TCF4: variants seen among roughly 807,000 people sequenced by gnomAD.
The protein encoded by TCF4 is transcription factor 4, also known as SL3-3 enhancer factor 2.
Under a neutral mutation model 82.1 loss-of-function variants are expected in TCF4, and 3 were observed. That is an observed-to-expected ratio of 0.04 (90% CI 0.02 to 0.09). The LOEUF (loss-of-function observed/expected upper bound fraction) is 0.09. Among genes scored for constraint, TCF4 ranks in the 10% least tolerant of loss-of-function variants. TCF4 has a pLI of 1.00. For missense variants in TCF4, 518 were observed against 852.7 expected, an observed-to-expected ratio of 0.61 and a Z score of 4.89; for synonymous variants, 276 against 309.6, an observed-to-expected ratio of 0.89 and a Z score of 1.14.
At chr18:55,471,131 T>C (rs952671127) in intron 3 of TCF4, among the ~76,000 whole-genome samples, 6 of 152,188 alleles carry the variant, frequency 3.9e-5, no homozygotes, top group Non-Finnish European at 8.8e-5. Flanking sequence ...TGTGCACATT[T>C]TCATTAGCAC....
intron 3 of TCF4, among the ~76,000 whole-genome samples, chr18:55,534,984 C>G (rs1366671875): frequency 6.6e-6 from 1 of 152,218 alleles, no homozygotes; most frequent in East Asian, 1.9e-4. Flanking sequence ...CAAATGTGCA[C>G]AGGGAATTCT....
chr18:55,510,471 C>T (rs1253263716), intron 3 of TCF4: 1 of 816,310 alleles, frequency 1.2e-6, no homozygotes, highest in Non-Finnish European at 1.7e-6. Flanking sequence ...TGTAAAAACC[C>T]CAGTCAAATA....
intron 5 of TCF4, chr18:55,404,021 C>T: frequency 8.4e-7 from 1 of 1,190,982 alleles, no homozygotes; most frequent in Non-Finnish European, 1.0e-6. Context: ...TTTTTAAAAA[C>T]TCCCTTTCCC....
In TCF4 at chr18:55,272,283, T is replaced by C. The variant is rs892702607; in HGVS notation, c.790-2320A>G. The stretch of plus-strand genomic sequence containing the variant: ...AACGAGATTTATAACTAGATTATTT[T>C]ACATTAAAAACTATCTTGAAAACTA... On this transcript the variant is annotated intron_variant, in intron 10 of 19. Coordinates refer to ENST00000354452, the MANE Select transcript of TCF4 (RefSeq NM_001083962.2). Among the ~76,000 whole-genome samples, 5 of 152,178 alleles carry C rather than the reference T, an allele frequency of 3.3e-5. 1 individual carries two copies. Among genetic ancestry groups the C allele is most frequent in the Admixed American group, 2.6e-4 (4 of 15,254 alleles).
intron 8 of TCF4, among the ~76,000 whole-genome samples, chr18:55,314,509 C>G (rs1298518965): frequency 4.0e-5 from 6 of 150,042 alleles, no homozygotes; most frequent in Admixed American, 3.3e-4. Flanking sequence ...CATGTAACAT[C>G]AATTTAATTT....
At chr18:55,379,499 C>T (rs555337199) in intron 6 of TCF4, among the ~76,000 whole-genome samples, 4 of 152,240 alleles carry the variant, frequency 2.6e-5, no homozygotes, top group Non-Finnish European at 4.4e-5. Context: ...CAGAGGAAGC[C>T]TCCACATCAG....
At chr18:55,257,044 A>C (rs996406913) in intron 14 of TCF4, among the ~76,000 whole-genome samples, 1 of 152,134 alleles carries the variant, frequency 6.6e-6, no homozygotes, top group African/African-American at 2.4e-5. Context: ...GATCTTTCCT[A>C]GAGATGGGGA....
chr18:55,397,051 G>A (rs1240146579), intron 6 of TCF4, among the ~76,000 whole-genome samples: 3 of 152,008 alleles, frequency 2.0e-5, no homozygotes, highest in African/African-American at 7.2e-5. Flanking sequence ...AGGTTGTTGG[G>A]AAAAAGGGGT....
At chr18:55,585,879 TCTCA>T in intron 2 of TCF4, 1 of 1,203,642 alleles carries the variant, frequency 8.3e-7, no homozygotes. Context: ...TCTCTCTCAC[TCTCA>T]CTCTCTCTTT....
At chr18:55,312,781 CA>C (rs2072954085) in intron 8 of TCF4, among the ~76,000 whole-genome samples, 1 of 152,160 alleles carries the variant, frequency 6.6e-6, no homozygotes, top group Non-Finnish European at 1.5e-5. Context: ...CTGCACTTTG[CA>C]ACCTCTGGGA....
chr18:55,575,807 T>C (rs1304611489), intron 3 of TCF4, among the ~76,000 whole-genome samples: 1 of 152,200 alleles, frequency 6.6e-6, no homozygotes, highest in African/African-American at 2.4e-5. Context: ...GATGTACTTC[T>C]GGTCAGTTTC....
chr18:55,236,069 A>ATG (rs3040521), intron 15 of TCF4, among the ~76,000 whole-genome samples: 15,802 of 151,016 alleles, frequency 0.1, 937 homozygotes, highest in African/African-American at 0.15. Flanking sequence ...TCATGTGTGC[A>ATG]TGTGTGTGTG....
chr18:55,601,713 G>A (rs2097697205), intron 2 of TCF4, among the ~76,000 whole-genome samples: 1 of 152,172 alleles, frequency 6.6e-6, no homozygotes, highest in Non-Finnish European at 1.5e-5. Context: ...AAACCCGGCA[G>A]GCAGAGGTTG....
At chr18:55,234,271 T>C (rs189539257) in intron 16 of TCF4, 18 of 572,954 alleles carry the variant, frequency 3.1e-5, no homozygotes, top group African/African-American at 2.2e-4. Flanking sequence ...AATGTGGAAA[T>C]AGCTAAAATA....
chr18:55,231,511 A>G (rs2047912869), intron 17 of TCF4: 1 of 152,224 alleles, frequency 6.6e-6, no homozygotes, highest in Non-Finnish European at 1.5e-5. Flanking sequence ...ACTTCAAAGA[A>G]TCCATTAACA....
rs1420367488 is a variant in TCF4, at chr18:55,228,283, G to C, written c.1958C>G (p.Ser653Cys). 6.2e-7 allele frequency: 1 copy of C among 1,614,152 alleles called. No homozygotes were observed. The highest frequency in any genetic ancestry group is 8.5e-7 in the Non-Finnish European group (1 of 1,180,016). ...EKVSSEPPPL[S>C]LAGPHPGMGD... ...CATTCCAGGGTGTGGGCCGGCCAAG[G>C]AGAGAGGGGGAGGCTCTGAGGACAC... Residue 653 changes from serine to cysteine, a missense_variant, in exon 19 of 20, where the codon TCC (serine) becomes TGC (cysteine). Coordinates refer to ENST00000354452, the MANE Select transcript of TCF4 (RefSeq NM_001083962.2).
At chr18:55,358,523 G>A (rs1569172697) in intron 6 of TCF4, among the ~76,000 whole-genome samples, 1 of 152,228 alleles carries the variant, frequency 6.6e-6, no homozygotes, top group South Asian at 2.1e-4. Flanking sequence ...AAACCCCAAT[G>A]TACAGATGGG....
intron 3 of TCF4, among the ~76,000 whole-genome samples, chr18:55,487,490 A>G (rs2096529788): frequency 6.6e-6 from 1 of 152,238 alleles, no homozygotes; most frequent in Admixed American, 6.5e-5. Flanking sequence ...CATTTATTAA[A>G]CATGAAAATT....
At position 55,478,359 on chromosome 18, in the gene TCF4, G is replaced by C. The variant is rs2096345149; in HGVS notation, c.146-14222C>G. Among the ~76,000 whole-genome samples the C allele has an allele frequency of 2.0e-5, 3 of 152,128 alleles. No homozygotes were observed. The South Asian group carries it at 6.2e-4, about 32-fold the overall frequency. Reference sequence around the variant, plus strand: ...TGATTTGTACTGATGATTTTTATTAGAATACATGGATCATTGCTTCAACCT... The same window carrying C: ...TGATTTGTACTGATGATTTTTATTACAATACATGGATCATTGCTTCAACCT... On this transcript the variant is annotated intron_variant, in intron 3 of 19. Transcript: ENST00000354452.
Sources: allele counts gnomAD v4.1 joint callset (sites outside exome capture counted in the v4.1 genomes callset), GRCh38; gene constraint gnomAD v4.1.1; transcripts MANE v1.5; gene names NCBI Gene and HGNC (gene_info 2026-07-23, HGNC 2026-07-21).